The following NAALADL2 variants were observed in gnomAD, a reference collection of about 807,000 sequenced individuals.
The protein encoded by NAALADL2 is inactive N-acetylated-alpha-linked acidic dipeptidase-like protein 2.
Under a neutral mutation model 87.2 loss-of-function variants are expected in NAALADL2, and 76 were observed. The ratio of observed to expected loss-of-function variants is 0.87; its 90% CI spans 0.72 to 1.05. NAALADL2 has a LOEUF of 1.05. Among genes scored for constraint, NAALADL2 ranks in the 50% least tolerant of loss-of-function variants. The pLI is 0.00. For synonymous variants in NAALADL2, 354 were observed against 331.0 expected (o/e 1.07, Z -0.75); for missense variants, 1,089 against 945.8 (o/e 1.15, Z -1.99).
chr3:174,912,886 T>C (rs1004245891), intron 1 of NAALADL2, among the ~76,000 whole-genome samples: 5 of 152,198 alleles, frequency 3.3e-5, no homozygotes, highest in Non-Finnish European at 7.4e-5. Context: ...ACTAATGATT[T>C]GAACATGATA....
At position 174,983,123 on chromosome 3, in the gene NAALADL2, T is replaced by C. The variant is rs537078940; in HGVS notation, c.44-113667T>C. ...AAAAGAACTTTTATTACTCCTAGTT[T>C]CCAAGAGGAGGCCCACCATCCTACA... On this transcript the variant is annotated intron_variant, in intron 1 of 13. Coordinates refer to ENST00000454872, the MANE Select transcript of NAALADL2 (RefSeq NM_207015.3). 2.0e-5 allele frequency among the ~76,000 whole-genome samples: 3 copies of C among 152,310 alleles called. No homozygotes were observed. The South Asian group carries it at 6.2e-4, about 32-fold the overall frequency.
Position 175,555,624 on chromosome 3 carries a change from C to A in NAALADL2, c.1654-20417C>A, listed in dbSNP as rs552236259. 7.8e-4 allele frequency among the ~76,000 whole-genome samples: 119 copies of A among 152,090 alleles called. 1 individual carries two copies. The highest frequency in any genetic ancestry group is 1.6e-3 in the Admixed American group (24 of 15,288). ...GTTTTCTAAAGCATGTCATACTTAG[C>A]ACATGTATAGTAAATAGCTGTTGAT... On this transcript the variant is annotated intron_variant, in intron 9 of 13. Coordinates refer to ENST00000454872, the MANE Select transcript of NAALADL2 (RefSeq NM_207015.3).
intron 1 of NAALADL2, among the ~76,000 whole-genome samples, chr3:175,021,231 G>C (rs1751514677): frequency 6.6e-6 from 1 of 151,984 alleles, no homozygotes. Context: ...TTCATTTCTT[G>C]TCCATTTGTT....
intron 1 of NAALADL2, among the ~76,000 whole-genome samples, chr3:174,995,663 A>T (rs1747341190): frequency 6.6e-6 from 1 of 152,138 alleles, no homozygotes; most frequent in Admixed American, 6.5e-5. Flanking sequence ...AAATAATGAG[A>T]TAAAAATATA....
At chr3:175,750,408 C>T (rs1001290145) in intron 12 of NAALADL2, among the ~76,000 whole-genome samples, 6 of 152,114 alleles carry the variant, frequency 3.9e-5, no homozygotes, top group Admixed American at 2.0e-4. Context: ...TCTTCTCTCC[C>T]TGCCTCCACC....
intron 10 of NAALADL2, among the ~76,000 whole-genome samples, chr3:175,618,064 C>T (rs963679518): frequency 2.0e-5 from 3 of 152,186 alleles, no homozygotes; most frequent in African/African-American, 7.2e-5. Context: ...TTCTCTGCTG[C>T]TTGCAGGGCA....
intron 1 of NAALADL2, among the ~76,000 whole-genome samples, chr3:174,522,022 C>G (rs1283483197): frequency 6.6e-6 from 1 of 152,038 alleles, no homozygotes; most frequent in Non-Finnish European, 1.5e-5. Context: ...TCACTGGAGC[C>G]CAGCAGTTCC....
chr3:174,524,288 A>C (rs1720529225), intron 1 of NAALADL2, among the ~76,000 whole-genome samples: 2 of 152,288 alleles, frequency 1.3e-5, no homozygotes, highest in African/African-American at 4.8e-5. Context: ...ATGAAATGAT[A>C]ATATTTATGT....
intron 3 of NAALADL2, among the ~76,000 whole-genome samples, chr3:174,834,201 G>A (rs1042305922): frequency 3.4e-5 from 5 of 148,298 alleles, no homozygotes; most frequent in Admixed American, 6.7e-5. Context: ...AGTAAATGGG[G>A]ACAACTATAT....
intron 11 of NAALADL2, among the ~76,000 whole-genome samples, chr3:175,686,554 G>T (rs986795306): frequency 6.6e-6 from 1 of 151,694 alleles, no homozygotes; most frequent in South Asian, 2.1e-4. Flanking sequence ...ACTCTTTTAG[G>T]TAAAGAATTA....
chr3:175,718,195 GTTTTTTTTT>G (rs1244400650), intron 11 of NAALADL2: 22 of 823,370 alleles, frequency 2.7e-5, no homozygotes, highest in Admixed American at 3.6e-5. Context: ...AGGGCCTGTG[GTTTTTTTTT>G]TTTTTTTTTT....
At chr3:175,412,473 T>G (rs1163069853) in intron 5 of NAALADL2, among the ~76,000 whole-genome samples, 1 of 152,198 alleles carries the variant, frequency 6.6e-6, no homozygotes, top group Non-Finnish European at 1.5e-5. Flanking sequence ...AACAATTCAG[T>G]TAAGCTGAGT....
chr3:174,441,563 G>A (rs984706275), intron 1 of NAALADL2, among the ~76,000 whole-genome samples: 2 of 152,202 alleles, frequency 1.3e-5, no homozygotes, highest in Admixed American at 1.3e-4. Flanking sequence ...TGGACGCCCA[G>A]GATGGCTTTC....
At chr3:174,638,625 C>T (rs1490263546) in intron 2 of NAALADL2, among the ~76,000 whole-genome samples, 1 of 151,652 alleles carries the variant, frequency 6.6e-6, no homozygotes, top group Admixed American at 6.6e-5. Context: ...TATGTTAACA[C>T]TATGAATATA....
At position 175,183,249 on chromosome 3, in the gene NAALADL2, T is replaced by TG. The variant is rs1736854409; in HGVS notation, c.546-50682_546-50681insG. 1.2e-4 allele frequency among the ~76,000 whole-genome samples: 8 copies of TG among 67,548 alleles called. No homozygotes were observed. In the South Asian group the frequency reaches 4.5e-3, roughly 38 times the overall value. The allele number at this position is 67,548 out of a possible 152,430, so 44.3% of individuals were successfully genotyped here. On this transcript the variant is annotated intron_variant, in intron 2 of 13. Transcript: ENST00000454872. ...CCTCCCGGTTAGATTTATTCCTAAG[T>TG]ATTTTTTTTTGTAATTATTGTAAAT...
chr3:175,570,583 A>G (rs969735765), intron 9 of NAALADL2, among the ~76,000 whole-genome samples: 7 of 152,174 alleles, frequency 4.6e-5, no homozygotes, highest in African/African-American at 1.7e-4. Context: ...AAACGAAAAG[A>G]AAGTGACTTA....
At chr3:175,132,540 A>G (rs1560069821) in intron 2 of NAALADL2, among the ~76,000 whole-genome samples, 1 of 54,602 alleles carries the variant, frequency 1.8e-5, no homozygotes, top group African/African-American at 8.3e-5. Flanking sequence ...CCCGGACGGG[A>G]AGAATGGCCG....
chr3:174,882,858 T>C (rs1182167406), intron 1 of NAALADL2, among the ~76,000 whole-genome samples: 1 of 140,866 alleles, frequency 7.1e-6, no homozygotes, highest in Non-Finnish European at 1.5e-5. Context: ...TGTGTATATA[T>C]ACATATGTGT....
chr3:175,623,522 A>T (rs1457840993), intron 10 of NAALADL2, among the ~76,000 whole-genome samples: 1 of 152,074 alleles, frequency 6.6e-6, no homozygotes, highest in East Asian at 1.9e-4. Flanking sequence ...ACTTATATGG[A>T]AGAAGGATAT....
Sources: gnomAD v4.1 joint callset for allele counts (sites outside exome capture counted in the v4.1 genomes callset) on GRCh38, gnomAD v4.1.1 for gene constraint, MANE v1.5 for transcripts, NCBI Gene and HGNC (gene_info 2026-07-23, HGNC 2026-07-21) for gene names.